PSMC2: variants seen among roughly 807,000 people sequenced by gnomAD.
The protein encoded by PSMC2 is proteasome 26S subunit, ATPase 2.
Under a neutral mutation model 53.3 loss-of-function variants are expected in PSMC2, and 7 were observed. The ratio of observed to expected loss-of-function variants is 0.13; its 90% CI spans 0.07 to 0.25. The LOEUF is 0.25. Ranked by LOEUF, PSMC2 falls within the 10% of genes least tolerant of loss-of-function variation. PSMC2 has a pLI of 1.00. For missense variants in PSMC2, 241 were observed against 544.0 expected (o/e 0.44, Z 5.54); for synonymous variants, 169 against 183.9 (o/e 0.92, Z 0.66).
chr7:103,364,954 C>CGTACAT (rs1486934625), intron 8 of PSMC2, among the ~76,000 whole-genome samples: 2,520 of 38,864 alleles, frequency 0.065, 37 homozygotes, highest in Non-Finnish European at 0.092. Context: ...TGTTTGTAGA[C>CGTACAT]ATACATATAT....
At chr7:103,362,356 G>A in intron 5 of PSMC2, 19 of 1,351,594 alleles carry the variant, frequency 1.4e-5, no homozygotes, top group Admixed American at 3.5e-5. Flanking sequence ...AGGTAACATG[G>A]TATAGGTTGG....
chr7:103,358,763 G>A (rs144003938), intron 4 of PSMC2, among the ~76,000 whole-genome samples: 11 of 151,960 alleles, frequency 7.2e-5, no homozygotes, highest in East Asian at 5.8e-4. Flanking sequence ...TTTCTAGGCC[G>A]TATGAGGGGA....
intron 1 of PSMC2, 87 bp downstream of exon 1, chr7:103,347,868 C>T: frequency 1.4e-6 from 2 of 1,463,912 alleles, no homozygotes; most frequent in South Asian, 1.1e-5. Flanking sequence ...ATTCCCGCTC[C>T]TGGCTCTGTG....
At chr7:103,364,684 A>G (rs1328694096) in intron 8 of PSMC2, among the ~76,000 whole-genome samples, 1 of 152,146 alleles carries the variant, frequency 6.6e-6, no homozygotes, top group Non-Finnish European at 1.5e-5. Context: ...CTGGTAGTAT[A>G]GGCAAGAACC....
rs372193601 is a variant in PSMC2 at position 103,355,807 on chromosome 7, C to T, written c.290+14C>T. The T allele has an allele frequency of 5.1e-5, 81 of 1,573,828 alleles. No individual in the cohort carries two copies. Among genetic ancestry groups the T allele is most frequent in the South Asian group, 6.7e-5 (6 of 89,796 alleles). ...ACAGGTTGCCAGGTATGCACGGGTG[C>T]TCTGTGGCAACTTACCTTTGTCTGT... On this transcript the variant is annotated intron_variant, in intron 4 of 11. Coordinates refer to ENST00000292644, the MANE Select transcript of PSMC2 (RefSeq NM_002803.4).
intron 1 of PSMC2, chr7:103,348,719 G>T: frequency 1.3e-6 from 2 of 1,576,674 alleles, no homozygotes; most frequent in Non-Finnish European, 1.7e-6. Context: ...AATATGTGCC[G>T]CCAGTGTTTT....
At chr7:103,361,275 G>A (rs1041900539) in intron 4 of PSMC2, among the ~76,000 whole-genome samples, 11 of 151,540 alleles carry the variant, frequency 7.3e-5, no homozygotes, top group African/African-American at 2.7e-4. Context: ...CCTGAGGTTG[G>A]GATTTCGAGA....
At chr7:103,356,789 C>T (rs947604509) in intron 4 of PSMC2, among the ~76,000 whole-genome samples, 3 of 151,970 alleles carry the variant, frequency 2.0e-5, no homozygotes, top group African/African-American at 7.3e-5. Flanking sequence ...TAAAATATAC[C>T]AATATTTCCA....
chr7:103,348,643 G>A, intron 1 of PSMC2: 2 of 1,438,938 alleles, frequency 1.4e-6, no homozygotes, highest in Non-Finnish European at 9.8e-7. Flanking sequence ...GCGAAAATTC[G>A]GCCAGGGTTC....
At chr7:103,362,438 A>G in intron 5 of PSMC2, 1 of 1,359,130 alleles carries the variant, frequency 7.4e-7, no homozygotes. Context: ...CAACTCACTT[A>G]GTAAATTAAA....
At chr7:103,354,049 T>G in intron 2 of PSMC2, 91 bp downstream of exon 2, 1 of 1,017,148 alleles carries the variant, frequency 9.8e-7, no homozygotes, top group South Asian at 1.7e-5. Context: ...TTAGAAGAAG[T>G]TAAGAAACCA....
At chr7:103,361,898 T>A in intron 4 of PSMC2, 59 bp from the exon 5 acceptor site, 1 of 1,511,490 alleles carries the variant, frequency 6.6e-7, no homozygotes, top group African/African-American at 1.4e-5. Context: ...ATCTAGTTAG[T>A]TGAATTCATT....
At chr7:103,366,450 T>C (rs1820724521) in intron 9 of PSMC2, among the ~76,000 whole-genome samples, 1 of 152,216 alleles carries the variant, frequency 6.6e-6, no homozygotes, top group African/African-American at 2.4e-5. Flanking sequence ...TATTTTGGAT[T>C]TTGGCTTTTG....
intron 2 of PSMC2, among the ~76,000 whole-genome samples, chr7:103,354,312 G>A (rs1418203305): frequency 6.6e-6 from 1 of 150,894 alleles, no homozygotes. Context: ...AATTAGTTCT[G>A]AAATGAAGTT....
Position 103,368,423 on chromosome 7 carries a change from T to G in PSMC2, c.*369T>G, listed in dbSNP as rs1343206227. The G allele has an allele frequency of 6.2e-6, 1 of 161,954 alleles. No individual in the cohort carries two copies. The highest frequency in any genetic ancestry group is 2.4e-5 in the African/African-American group (1 of 41,760). 10.0% of individuals were successfully genotyped at this position (161,954 alleles called of 1,614,324 possible). ...CTTCATCCAATGGATGCATAAACTT[T>G]CCTACTTACTTGTAGTGGCAAAGCT... On this transcript the variant is annotated 3_prime_UTR_variant, in exon 12 of 12. Transcript: ENST00000292644.
chr7:103,351,895 G>GTT (rs905366728), intron 1 of PSMC2, among the ~76,000 whole-genome samples: 8 of 151,014 alleles, frequency 5.3e-5, no homozygotes, highest in African/African-American at 1.9e-4. Flanking sequence ...TCCTCTGAGG[G>GTT]TTTTTTTTTA....
intron 1 of PSMC2, chr7:103,352,707 A>C: frequency 4.6e-6 from 3 of 652,176 alleles, no homozygotes; most frequent in Non-Finnish European, 5.6e-6. Flanking sequence ...TATAATCTTA[A>C]ATCCTAAAAA....
chr7:103,357,587 G>A (rs932600602), intron 4 of PSMC2, among the ~76,000 whole-genome samples: 2 of 152,058 alleles, frequency 1.3e-5, no homozygotes, highest in African/African-American at 4.8e-5. Flanking sequence ...CACCTTGAAG[G>A]CACACCTTTC....
At chr7:103,354,019 G>A in intron 2 of PSMC2, 61 bp downstream of exon 2, 2 of 1,279,694 alleles carry the variant, frequency 1.6e-6, no homozygotes, top group South Asian at 1.5e-5. Flanking sequence ...AACTGTTTTG[G>A]TATTGTCCTT....
Sources: gnomAD v4.1 joint callset for allele counts (sites outside exome capture counted in the v4.1 genomes callset) on GRCh38, gnomAD v4.1.1 for gene constraint, MANE v1.5 for transcripts, NCBI Gene and HGNC (gene_info 2026-07-23, HGNC 2026-07-21) for gene names.